Variants in STK39 observed in about 807,000 individuals in gnomAD.
The protein encoded by STK39 is STE20/SPS1-related proline-alanine-rich protein kinase.
A neutral mutation model predicts 77.8 loss-of-function variants in STK39; 20 were observed. The ratio of observed to expected loss-of-function variants is 0.26; its 90% CI spans 0.18 to 0.37. The LOEUF (loss-of-function observed/expected upper bound fraction) is 0.37. Among genes scored for constraint, STK39 ranks in the 10% least tolerant of loss-of-function variants. The probability of loss-of-function intolerance (pLI) is 1.00; values close to 1 mark genes in which losing one functional copy is unlikely to be tolerated. For synonymous variants in STK39, 246 were observed against 234.1 expected (o/e 1.05, Z -0.47); for missense variants, 479 against 656.5 (o/e 0.73, Z 2.95).
chr2:168,052,530 T>C (rs150845000), intron 14 of STK39, among the ~76,000 whole-genome samples: 3 of 152,324 alleles, frequency 2.0e-5, no homozygotes, highest in African/African-American at 7.2e-5. Context: ...ATGTCAAAAA[T>C]AAAGAGCTGC....
rs1253108775 is a variant in STK39, at chr2:168,139,754, T to C, written c.840+535A>G. Among the ~76,000 whole-genome samples the C allele has an allele frequency of 2.6e-5, 4 of 152,128 alleles. No homozygotes were observed. The East Asian group carries it at 7.7e-4, about 29-fold the overall frequency. On this transcript the variant is annotated intron_variant, in intron 7 of 17. Transcript: ENST00000355999. The stretch of plus-strand genomic sequence containing the variant: ...ACTATCTCAGAACTAAGAGAAATAA[T>C]GAGGTATAAACCAGTTAAAAGAAGA...
intron 14 of STK39, among the ~76,000 whole-genome samples, chr2:168,041,470 T>TAA (rs11334435): frequency 6.7e-6 from 1 of 149,836 alleles, no homozygotes; most frequent in African/African-American, 2.5e-5. Context: ...ATTGGCTCTT[T>TAA]AAAAAAAAAA....
chr2:167,977,596 G>C (rs965869345), intron 16 of STK39, among the ~76,000 whole-genome samples: 1 of 152,074 alleles, frequency 6.6e-6, no homozygotes, highest in South Asian at 2.1e-4. Flanking sequence ...AAAACAAAGG[G>C]GATTGTTGAG....
At chr2:167,971,433 C>T (rs1173206119) in intron 16 of STK39, among the ~76,000 whole-genome samples, 2 of 151,972 alleles carry the variant, frequency 1.3e-5, no homozygotes, top group African/African-American at 4.8e-5. Flanking sequence ...GTGTTCTACC[C>T]CTTTGTTTCA....
intron 16 of STK39, among the ~76,000 whole-genome samples, chr2:167,976,808 C>G (rs996986075): frequency 1.3e-5 from 2 of 152,212 alleles, no homozygotes; most frequent in Non-Finnish European, 2.9e-5. Context: ...TACAAGCCTT[C>G]AGAGAGACTG....
chr2:168,141,485 G>A (rs1398066475), intron 5 of STK39, among the ~76,000 whole-genome samples: 2 of 152,146 alleles, frequency 1.3e-5, no homozygotes, highest in Non-Finnish European at 2.9e-5. Flanking sequence ...ATACATACAG[G>A]CACATGTGTA....
chr2:168,121,724 T>C lies in STK39; in HGVS notation c.1089+7817A>G, dbSNP rs374478929. Reference sequence around the variant, plus strand: ...TACTTCTAAAATGTCCAGTCTTCCGTAGCCACAATAATCATTCTCCTTATT... The same window carrying C: ...TACTTCTAAAATGTCCAGTCTTCCGCAGCCACAATAATCATTCTCCTTATT... On this transcript the variant is annotated intron_variant, in intron 10 of 17. Transcript: ENST00000355999. 6.6e-5 allele frequency among the ~76,000 whole-genome samples: 10 copies of C among 152,312 alleles called. No individual in the cohort carries two copies. The East Asian group carries it at 1.9e-3, about 29-fold the overall frequency.
chr2:168,233,593 T>C (rs956253121), intron 1 of STK39, among the ~76,000 whole-genome samples: 2 of 152,134 alleles, frequency 1.3e-5, no homozygotes, highest in Middle Eastern at 3.4e-3. Context: ...CTATTAATCC[T>C]TGACTCACTC....
At chr2:168,232,239 T>C (rs1690476317) in intron 1 of STK39, 1 of 163,888 alleles carries the variant, frequency 6.1e-6, no homozygotes. Context: ...TCATTTAATA[T>C]AAAATGTAGC....
At chr2:168,158,457 A>C (rs762974626) in intron 5 of STK39, among the ~76,000 whole-genome samples, 31 of 152,206 alleles carry the variant, frequency 2.0e-4, no homozygotes, top group Non-Finnish European at 3.2e-4. Flanking sequence ...CTGAAGGAGC[A>C]AGGAGGAAGA....
At chr2:168,162,244 C>A (rs934473297) in intron 4 of STK39, among the ~76,000 whole-genome samples, 1 of 140,350 alleles carries the variant, frequency 7.1e-6, no homozygotes, top group Non-Finnish European at 1.5e-5. Flanking sequence ...CAACACCGTG[C>A]CACTGCACTC....
chr2:167,983,473 AATGAAAGG>A (rs1683480408), intron 16 of STK39, among the ~76,000 whole-genome samples: 1 of 77,688 alleles, frequency 1.3e-5, no homozygotes. Context: ...AAAAAAAAGA[AATGAAAGG>A]AAGGAAGGAA....
At chr2:168,018,223 G>A (rs1684463770) in intron 14 of STK39, among the ~76,000 whole-genome samples, 1 of 152,316 alleles carries the variant, frequency 6.6e-6, no homozygotes, top group East Asian at 1.9e-4. Context: ...GTAGAAGCCA[G>A]GCACAGTGGC....
At chr2:168,191,163 G>A (rs1277418277) in intron 1 of STK39, among the ~76,000 whole-genome samples, 1 of 152,130 alleles carries the variant, frequency 6.6e-6, no homozygotes, top group African/African-American at 2.4e-5. Context: ...CTATAGGCAC[G>A]TTGGCTTTGC....
chr2:168,187,129 G>T (rs1012497972), intron 1 of STK39, among the ~76,000 whole-genome samples: 1 of 152,150 alleles, frequency 6.6e-6, no homozygotes, highest in African/African-American at 2.4e-5. Flanking sequence ...AAGGCAGGTG[G>T]ATCACAAGGT....
intron 16 of STK39, among the ~76,000 whole-genome samples, chr2:167,974,986 G>A (rs1683237652): frequency 6.6e-6 from 1 of 152,084 alleles, no homozygotes; most frequent in South Asian, 2.1e-4. Context: ...GAACTCCATG[G>A]TCTAAGTCAA....
intron 12 of STK39, among the ~76,000 whole-genome samples, chr2:168,074,363 G>A (rs956694080): frequency 6.6e-6 from 1 of 152,210 alleles, no homozygotes; most frequent in Non-Finnish European, 1.5e-5. Context: ...AGCAGGTCTT[G>A]TGAACTACAG....
At chr2:168,171,197 G>A (rs554270591) in intron 2 of STK39, among the ~76,000 whole-genome samples, 4 of 152,208 alleles carry the variant, frequency 2.6e-5, no homozygotes, top group African/African-American at 9.6e-5. Context: ...CTTAAAATGG[G>A]GTAGCATGGA....
At chr2:168,041,373 A>G (rs1574414456) in intron 14 of STK39, among the ~76,000 whole-genome samples, 1 of 152,100 alleles carries the variant, frequency 6.6e-6, no homozygotes, top group South Asian at 2.1e-4. Context: ...CACCTACTTG[A>G]AAAGTAATTT....
Sources: gnomAD v4.1 joint callset for allele counts (sites outside exome capture counted in the v4.1 genomes callset) on GRCh38, gnomAD v4.1.1 for gene constraint, MANE v1.5 for transcripts, NCBI Gene and HGNC (gene_info 2026-07-23, HGNC 2026-07-21) for gene names.